The following FAM184A variants were observed in gnomAD, a reference collection of about 807,000 sequenced individuals.
The protein encoded by FAM184A is family with sequence similarity 184 member A.
A neutral mutation model predicts 143.8 loss-of-function variants in FAM184A; 99 were observed. The observed-to-expected ratio is 0.69, with a 90% CI of 0.58 to 0.81. The LOEUF (loss-of-function observed/expected upper bound fraction) is 0.81. Ranked by LOEUF, FAM184A falls within the 40% of genes least tolerant of loss-of-function variation. FAM184A has a pLI of 0.00. For synonymous variants in FAM184A, 427 were observed against 446.4 expected (o/e 0.96, Z 0.55); for missense variants, 1,217 against 1,310.5 (o/e 0.93, Z 1.10).
intron 9 of FAM184A, among the ~76,000 whole-genome samples, chr6:118,996,841 A>C (rs535876942): frequency 6.7e-6 from 1 of 150,328 alleles, no homozygotes; most frequent in African/African-American, 2.4e-5. Context: ...CAGCCTCCCA[A>C]GCAGCTGGAA....
intron 3 of FAM184A, 85 bp from the exon 4 acceptor site, chr6:119,020,244 C>A (rs1487033164): frequency 4.8e-6 from 5 of 1,048,672 alleles, no homozygotes; most frequent in Non-Finnish European, 6.4e-6. Flanking sequence ...CACAACTGTA[C>A]TTTATACTTA....
intron 4 of FAM184A, among the ~76,000 whole-genome samples, chr6:119,019,386 G>A (rs186436615): frequency 6.6e-6 from 1 of 152,302 alleles, no homozygotes; most frequent in Non-Finnish European, 1.5e-5. Flanking sequence ...CCAGGTTAAG[G>A]AATGAATGGA....
intron 1 of FAM184A, among the ~76,000 whole-genome samples, chr6:119,032,928 A>C (rs1397929648): frequency 1.3e-5 from 2 of 152,194 alleles, no homozygotes; most frequent in Admixed American, 1.3e-4. Context: ...AAACTCTCAA[A>C]CTTCTCAAAA....
At chr6:119,100,645 T>A (rs1439899718) in intron 1 of FAM184A, among the ~76,000 whole-genome samples, 1 of 151,946 alleles carries the variant, frequency 6.6e-6, no homozygotes, top group Non-Finnish European at 1.5e-5. Context: ...ACCCATTGGT[T>A]TAGTTTTCTT....
rs1175436462 is a variant in FAM184A at position 118,979,501 on chromosome 6, T to C, written c.2319A>G (p.Leu773=). ...GAAGCTCTGCAGAATGCTTCTGTTG[T>C]AAATGATTTTCAAGAGCCTAGAACA... The part of the protein sequence containing the change: ...EKEQRALENH[L]QQKHSAELQS... Residue 773 remains leucine (L), a synonymous_variant, in exon 11 of 18, where the codon TTA becomes TTG. Coordinates refer to ENST00000338891, the MANE Select transcript of FAM184A (RefSeq NM_024581.6). 6.2e-7 allele frequency: 1 copy of C among 1,609,792 alleles called. No individual in the cohort carries two copies. Among genetic ancestry groups the C allele is most frequent in the African/African-American group, 1.3e-5 (1 of 74,794 alleles).
At chr6:119,073,161 G>A (rs1323542988) in intron 1 of FAM184A, among the ~76,000 whole-genome samples, 6 of 152,190 alleles carry the variant, frequency 3.9e-5, no homozygotes, top group African/African-American at 9.6e-5. Flanking sequence ...CAATGCTAAC[G>A]CACAGCAAGG....
At chr6:119,035,511 GC>G (rs1440706766) in intron 1 of FAM184A, among the ~76,000 whole-genome samples, 1 of 152,164 alleles carries the variant, frequency 6.6e-6, no homozygotes, top group Non-Finnish European at 1.5e-5. Flanking sequence ...AAATGGCCCT[GC>G]AAAACTGTCT....
At chr6:119,008,238 G>C (rs1784984980) in intron 6 of FAM184A, among the ~76,000 whole-genome samples, 1 of 152,180 alleles carries the variant, frequency 6.6e-6, no homozygotes, top group South Asian at 2.1e-4. Flanking sequence ...TGTGGTCTTA[G>C]TAAGCGCTCA....
At chr6:118,996,249 G>A (rs1457915003) in intron 9 of FAM184A, among the ~76,000 whole-genome samples, 1 of 152,152 alleles carries the variant, frequency 6.6e-6, no homozygotes, top group Non-Finnish European at 1.5e-5. Flanking sequence ...TGATAAAAGA[G>A]GATATAATGT....
chr6:119,040,584 G>T (rs985635962), intron 1 of FAM184A, among the ~76,000 whole-genome samples: 1 of 152,150 alleles, frequency 6.6e-6, no homozygotes, highest in African/African-American at 2.4e-5. Context: ...TGCACAAATG[G>T]TGGGGCTAAA....
At chr6:119,111,705 C>A (rs953268224) in intron 1 of FAM184A, among the ~76,000 whole-genome samples, 1 of 152,116 alleles carries the variant, frequency 6.6e-6, no homozygotes, top group African/African-American at 2.4e-5. Context: ...AGTCACAATG[C>A]AAATTATTTT....
In FAM184A at chr6:119,003,002, T is replaced by C. The variant is rs761230864; in HGVS notation, c.1985A>G (p.Glu662Gly). 6.2e-7 allele frequency: 1 copy of C among 1,612,624 alleles called. No individual in the cohort carries two copies. Among genetic ancestry groups the C allele is most frequent in the South Asian group, 1.1e-5 (1 of 90,844 alleles). The stretch of plus-strand genomic sequence containing the variant: ...TTGAGACATTGCTGACTTCTTATCC[T>C]CTTCATGTTGAAGCCTTAACTCTTC... ...LREELRLQHE[E>G]DKKSAMSQLL... The change falls in exon 9 of 18, where the codon GAG (glutamate) becomes GGG (glycine). Residue 662 changes from glutamate to glycine, a missense_variant. By Grantham distance (98) the Glu-to-Gly change is moderately conservative (BLOSUM62 -2). Transcript: ENST00000338891.
At chr6:118,966,617 T>A (rs1431212887) in intron 15 of FAM184A, among the ~76,000 whole-genome samples, 1 of 151,988 alleles carries the variant, frequency 6.6e-6, no homozygotes, top group Non-Finnish European at 1.5e-5. Context: ...GACTTTCTTT[T>A]AAAAAAAATG....
chr6:118,976,118 A>T (rs1783838888), intron 11 of FAM184A, 74 bp from the exon 12 acceptor site: 1 of 1,446,692 alleles, frequency 6.9e-7, no homozygotes, highest in Non-Finnish European at 9.3e-7. Context: ...AAATTATAGA[A>T]GTAAAAAATT....
At chr6:119,111,210 A>G (rs1053548097) in intron 1 of FAM184A, among the ~76,000 whole-genome samples, 13 of 152,226 alleles carry the variant, frequency 8.5e-5, no homozygotes, top group African/African-American at 2.9e-4. Flanking sequence ...AAGTTTTGAC[A>G]CGTTATCACA....
At chr6:119,098,864 C>T (rs1390632034) in intron 1 of FAM184A, among the ~76,000 whole-genome samples, 2 of 152,204 alleles carry the variant, frequency 1.3e-5, no homozygotes, top group African/African-American at 2.4e-5. Context: ...CGTGGCGGCA[C>T]TTTGGGAGGC....
At position 118,966,962 on chromosome 6, in the gene FAM184A, A is replaced by T. The variant is rs1475826122; in HGVS notation, c.2916-10T>A. 7.5e-7 allele frequency: 1 copy of T among 1,335,132 alleles called. No individual in the cohort carries two copies. The highest frequency in any genetic ancestry group is 1.1e-6 in the Non-Finnish European group (1 of 940,224). The allele number at this position is 1,335,132 out of a possible 1,614,324, so 82.7% of individuals were successfully genotyped here. ...TTCCATTTCTTCTAATCTGAAAACA[A>T]GAAAGACTTTAGCTCATTGATATCA... On this transcript the variant is annotated splice_polypyrimidine_tract_variant and intron_variant, in intron 14 of 17. Transcript: ENST00000338891.
chr6:118,975,844 T>G, intron 12 of FAM184A, 73 bp downstream of exon 12: 1 of 1,420,886 alleles, frequency 7.0e-7, no homozygotes, highest in Non-Finnish European at 9.6e-7. Flanking sequence ...TACAAAATAA[T>G]TTTCAGGAAA....
chr6:119,030,954 T>G (rs976719835), intron 1 of FAM184A, among the ~76,000 whole-genome samples: 1 of 151,322 alleles, frequency 6.6e-6, no homozygotes, highest in African/African-American at 2.5e-5. Flanking sequence ...ATGCCAATGA[T>G]GCATAATTTA....
Sources: allele counts gnomAD v4.1 joint callset (sites outside exome capture counted in the v4.1 genomes callset), GRCh38; gene constraint gnomAD v4.1.1; transcripts MANE v1.5; gene names NCBI Gene and HGNC (gene_info 2026-07-23, HGNC 2026-07-21).